Variants in NRXN3 observed in about 807,000 individuals in gnomAD.
NRXN3 encodes the protein neurexin III.
Under a neutral mutation model 137.6 loss-of-function variants are expected in NRXN3, and 32 were observed. The observed-to-expected ratio is 0.23, with a 90% CI of 0.18 to 0.31. The LOEUF is 0.31. Ranked by LOEUF, NRXN3 falls within the 10% of genes least tolerant of loss-of-function variation. The pLI is 1.00. For missense variants in NRXN3, 1,574 were observed against 2,062.5 expected, an observed-to-expected ratio of 0.76 and a Z score of 4.59; for synonymous variants, 798 against 784.5, an observed-to-expected ratio of 1.02 and a Z score of -0.29.
intron 16 of NRXN3, among the ~76,000 whole-genome samples, chr14:79,567,794 G>C (rs143769081): frequency 0.011 from 1,749 of 152,098 alleles, 20 homozygotes; most frequent in Middle Eastern, 0.041. Context: ...TTTGTCAATC[G>C]AGCATACAGA....
At chr14:78,425,933 G>C (rs543617637) in intron 4 of NRXN3, among the ~76,000 whole-genome samples, 1 of 152,352 alleles carries the variant, frequency 6.6e-6, no homozygotes, top group African/African-American at 2.4e-5. Context: ...TACGCACCAC[G>C]TGAGTGGCCT....
chr14:79,422,363 C>G (rs1260834912), intron 15 of NRXN3, among the ~76,000 whole-genome samples: 1 of 152,102 alleles, frequency 6.6e-6, no homozygotes, highest in Non-Finnish European at 1.5e-5. Flanking sequence ...AGGCCCAGCC[C>G]ATGGTGTTTT....
At chr14:78,592,666 G>A (rs2097127134) in intron 4 of NRXN3, among the ~76,000 whole-genome samples, 1 of 152,188 alleles carries the variant, frequency 6.6e-6, no homozygotes, top group Admixed American at 6.5e-5. Flanking sequence ...ATTAGCACTT[G>A]AATTTATCAG....
Position 79,103,554 on chromosome 14 carries a change from T to C in NRXN3, c.3262+115413T>C, listed in dbSNP as rs566480375. 1.1e-4 allele frequency among the ~76,000 whole-genome samples: 16 copies of C among 152,254 alleles called. 1 individual carries two copies. The highest frequency in any genetic ancestry group is 2.2e-4 in the African/African-American group (9 of 41,576). On this transcript the variant is annotated intron_variant, in intron 15 of 20. Transcript: ENST00000335750. ...TTTGGCCTGGAGTTCGGGAGGGAAG[T>C]TGGGGCCAGAGATCCATTTGTGATT... is the stretch of plus-strand genomic sequence containing the variant.
intron 15 of NRXN3, among the ~76,000 whole-genome samples, chr14:79,077,215 G>A (rs1270928785): frequency 6.6e-6 from 1 of 152,146 alleles, no homozygotes; most frequent in Non-Finnish European, 1.5e-5. Context: ...TCCACAGCAG[G>A]TGATAAGAAT....
chr14:78,334,847 A>G (rs2081269820), intron 4 of NRXN3, among the ~76,000 whole-genome samples: 1 of 152,138 alleles, frequency 6.6e-6, no homozygotes, highest in African/African-American at 2.4e-5. Flanking sequence ...TGCCTTTTTA[A>G]TGATTCTGTA....
chr14:78,210,666 G>T (rs2153411309), intron 1 of NRXN3, among the ~76,000 whole-genome samples: 1 of 151,934 alleles, frequency 6.6e-6, no homozygotes, highest in South Asian at 2.1e-4. Flanking sequence ...GCCTCTTGGT[G>T]GTCAGTTGCT....
chr14:79,719,249 ATATG>A (rs1326290910), intron 19 of NRXN3, among the ~76,000 whole-genome samples: 56 of 51,806 alleles, frequency 1.1e-3, no homozygotes, highest in African/African-American at 3.1e-3. Flanking sequence ...TCATAGACAT[ATATG>A]TGTGTGTGTG....
chr14:79,486,439 A>G (rs2096656222), intron 16 of NRXN3, among the ~76,000 whole-genome samples: 3 of 152,218 alleles, frequency 2.0e-5, no homozygotes, highest in Non-Finnish European at 2.9e-5. Flanking sequence ...TGAAGTTCCC[A>G]TGAACCAACC....
At chr14:79,341,884 G>A (rs76231648) in intron 15 of NRXN3, among the ~76,000 whole-genome samples, 1 of 152,272 alleles carries the variant, frequency 6.6e-6, no homozygotes, top group East Asian at 1.9e-4. Flanking sequence ...GCAATGCCGT[G>A]ATCAATTGCA....
intron 15 of NRXN3, among the ~76,000 whole-genome samples, chr14:79,417,083 A>C (rs1032171415): frequency 1.3e-5 from 2 of 152,154 alleles, no homozygotes; most frequent in African/African-American, 4.8e-5. Context: ...TACTAGATGC[A>C]TCTCTTGGAA....
chr14:79,519,768 CTTTTTTTTTTTT>C (rs200757761), intron 16 of NRXN3, among the ~76,000 whole-genome samples: 1 of 119,400 alleles, frequency 8.4e-6, no homozygotes, highest in Admixed American at 8.6e-5. Flanking sequence ...AATAGTATTT[CTTTTTTTTTTTT>C]TTTTTTGAAA....
intron 16 of NRXN3, among the ~76,000 whole-genome samples, chr14:79,620,362 T>G (rs1603207594): frequency 6.6e-6 from 1 of 152,266 alleles, no homozygotes; most frequent in South Asian, 2.1e-4. Flanking sequence ...CCTGGTGATG[T>G]GAAACCATGC....
intron 17 of NRXN3, among the ~76,000 whole-genome samples, chr14:79,677,336 A>T (rs2098646161): frequency 6.6e-6 from 1 of 152,148 alleles, no homozygotes; most frequent in Non-Finnish European, 1.5e-5. Context: ...CTAAAATCTT[A>T]GCCAAGGTTT....
intron 15 of NRXN3, among the ~76,000 whole-genome samples, chr14:79,329,955 C>G (rs1029905556): frequency 6.6e-6 from 1 of 151,690 alleles, no homozygotes; most frequent in African/African-American, 2.4e-5. Context: ...ATTCTCCTGC[C>G]TCAGCTTTCC....
intron 9 of NRXN3, among the ~76,000 whole-genome samples, chr14:78,804,865 A>C (rs2098851654): frequency 6.6e-6 from 1 of 152,174 alleles, no homozygotes; most frequent in South Asian, 2.1e-4. Flanking sequence ...CTGGGTCCAA[A>C]CTTTCTAAGC....
At chr14:78,736,166 T>A (rs2098540396) in intron 8 of NRXN3, among the ~76,000 whole-genome samples, 1 of 152,216 alleles carries the variant, frequency 6.6e-6, no homozygotes, top group Non-Finnish European at 1.5e-5. Flanking sequence ...CTGCCAGATG[T>A]CAATTTGAAA....
At chr14:78,382,241 G>A (rs1357034241) in intron 4 of NRXN3, among the ~76,000 whole-genome samples, 3 of 152,298 alleles carry the variant, frequency 2.0e-5, no homozygotes, top group African/African-American at 7.2e-5. Context: ...ACTTTGATAT[G>A]CATAATAAAG....
At chr14:78,741,005 C>A (rs2098566915) in intron 8 of NRXN3, among the ~76,000 whole-genome samples, 1 of 152,040 alleles carries the variant, frequency 6.6e-6, no homozygotes, top group African/African-American at 2.4e-5. Flanking sequence ...TCAGAGGTGG[C>A]CAAGATGTTT....
Sources: allele counts gnomAD v4.1 joint callset (sites outside exome capture counted in the v4.1 genomes callset), GRCh38; gene constraint gnomAD v4.1.1; transcripts MANE v1.5; gene names NCBI Gene and HGNC (gene_info 2026-07-23, HGNC 2026-07-21).